The following AGBL4 variants were observed in gnomAD, a reference collection of about 807,000 sequenced individuals.
AGBL4 encodes AGBL carboxypeptidase 4.
Under a neutral mutation model 66.4 loss-of-function variants are expected in AGBL4, and 58 were observed. The observed-to-expected ratio is 0.87, with a 90% CI of 0.71 to 1.09. AGBL4 has a LOEUF of 1.09. Among genes scored for constraint, AGBL4 ranks in the 50% least tolerant of loss-of-function variants. AGBL4 has a pLI of 0.00. For synonymous variants in AGBL4, 234 were observed against 222.9 expected (o/e 1.05, Z -0.44); for missense variants, 579 against 631.0 (o/e 0.92, Z 0.88).
chr1:48,938,471 AAGG>A (rs1339035819), intron 5 of AGBL4, among the ~76,000 whole-genome samples: 1 of 152,246 alleles, frequency 6.6e-6, no homozygotes, highest in Admixed American at 6.5e-5. Context: ...CTTTCTTTAG[AAGG>A]AGTAGTTGGG....
intron 6 of AGBL4, among the ~76,000 whole-genome samples, chr1:48,749,528 G>C (rs1339113138): frequency 6.6e-6 from 1 of 152,174 alleles, no homozygotes; most frequent in African/African-American, 2.4e-5. Context: ...AGATTCCAAA[G>C]ACAGCTCTTT....
chr1:49,255,335 C>A (rs1225333220), intron 3 of AGBL4, among the ~76,000 whole-genome samples: 1 of 152,058 alleles, frequency 6.6e-6, no homozygotes, highest in Non-Finnish European at 1.5e-5. Flanking sequence ...AAACAAACAA[C>A]CCCATTAAAA....
chr1:49,804,192 T>C (rs1259882098), intron 2 of AGBL4, among the ~76,000 whole-genome samples: 2 of 152,170 alleles, frequency 1.3e-5, no homozygotes, highest in African/African-American at 4.8e-5. Context: ...AAACTATCAA[T>C]GTGTTAGTGT....
chr1:48,602,644 A>T (rs1212833282), intron 9 of AGBL4, among the ~76,000 whole-genome samples: 1 of 152,172 alleles, frequency 6.6e-6, no homozygotes, highest in Non-Finnish European at 1.5e-5. Context: ...GCCAACATTC[A>T]TGCTGAAATT....
At chr1:48,949,294 C>A (rs1656771739) in intron 5 of AGBL4, among the ~76,000 whole-genome samples, 1 of 152,100 alleles carries the variant, frequency 6.6e-6, no homozygotes, top group South Asian at 2.1e-4. Context: ...ATCTAATGAG[C>A]AAAAGACTAT....
intron 1 of AGBL4, among the ~76,000 whole-genome samples, chr1:50,022,022 A>G (rs542206759): frequency 3.9e-5 from 6 of 151,992 alleles, no homozygotes; most frequent in South Asian, 2.1e-4. Flanking sequence ...TTCTTTGCAC[A>G]TGGTTTTCCT....
intron 6 of AGBL4, among the ~76,000 whole-genome samples, chr1:48,715,492 G>T (rs1310747143): frequency 6.6e-6 from 1 of 152,206 alleles, no homozygotes; most frequent in East Asian, 1.9e-4. Context: ...GCTCTTGGGA[G>T]GCAAGAGGGA....
At chr1:48,555,703 A>T (rs888216325) in intron 11 of AGBL4, among the ~76,000 whole-genome samples, 1 of 152,054 alleles carries the variant, frequency 6.6e-6, no homozygotes, top group Non-Finnish European at 1.5e-5. Flanking sequence ...GTGAAGTGGG[A>T]TTTGAAGGGG....
chr1:49,087,328 A>G (rs1051325948), intron 4 of AGBL4, among the ~76,000 whole-genome samples: 2 of 152,222 alleles, frequency 1.3e-5, no homozygotes, highest in African/African-American at 4.8e-5. Context: ...CCCAATCCAA[A>G]ATATCTAAGG....
intron 4 of AGBL4, among the ~76,000 whole-genome samples, chr1:49,235,674 A>T (rs972224267): frequency 4.6e-5 from 7 of 152,336 alleles, no homozygotes; most frequent in African/African-American, 2.4e-5. Flanking sequence ...CCTATCACTT[A>T]TAAGGGGAGC....
chr1:49,828,098 C>T (rs1360905476), intron 2 of AGBL4, among the ~76,000 whole-genome samples: 1 of 151,882 alleles, frequency 6.6e-6, no homozygotes, highest in African/African-American at 2.4e-5. Flanking sequence ...ATGCCTGTTA[C>T]CTAACAAAGG....
Position 48,590,964 on chromosome 1 carries a change from T to A in AGBL4, c.973A>T (p.Ile325Phe), listed in dbSNP as rs189891939. ...NDPKTSLEFY[I>F]DIHAHSTMMN... is the part of the protein sequence containing the mutation. ...ATGGTGGAGTGGGCATGGATGTCAA[T>A]ATAAAACTCCAGGCTTGTTTTCTGT... The change falls in exon 10 of 14, where the codon ATT (isoleucine) becomes TTT (phenylalanine). Residue 325 changes from isoleucine to phenylalanine, a missense_variant. By Grantham distance (21) the Ile-to-Phe change is conservative (BLOSUM62 0). Transcript: ENST00000371839. 2.2e-4 allele frequency: 348 copies of A among 1,609,998 alleles called. 1 individual carries two copies. The highest frequency in any genetic ancestry group is 3.1e-5 in the Non-Finnish European group (37 of 1,178,468).
At chr1:49,814,875 T>A (rs1179174502) in intron 2 of AGBL4, among the ~76,000 whole-genome samples, 1 of 152,074 alleles carries the variant, frequency 6.6e-6, no homozygotes, top group Non-Finnish European at 1.5e-5. Flanking sequence ...TAATTTTAAT[T>A]TTTATTTTTT....
At chr1:49,769,239 T>C (rs545970771) in intron 2 of AGBL4, among the ~76,000 whole-genome samples, 11 of 149,838 alleles carry the variant, frequency 7.3e-5, no homozygotes, top group South Asian at 4.8e-4. Context: ...CACACACACA[T>C]ACACAAACAA....
chr1:49,532,246 T>C (rs989161072), intron 3 of AGBL4, among the ~76,000 whole-genome samples: 2 of 152,106 alleles, frequency 1.3e-5, no homozygotes, highest in African/African-American at 4.8e-5. Context: ...CCTAAAACAA[T>C]TCCTGAAATA....
chr1:49,098,164 A>C (rs1645140545), intron 4 of AGBL4, among the ~76,000 whole-genome samples: 1 of 152,196 alleles, frequency 6.6e-6, no homozygotes, highest in African/African-American at 2.4e-5. Flanking sequence ...TCATCTGTAA[A>C]ATGAAAAGCT....
At chr1:49,656,725 C>T (rs1558138537) in intron 3 of AGBL4, among the ~76,000 whole-genome samples, 1 of 152,124 alleles carries the variant, frequency 6.6e-6, no homozygotes, top group East Asian at 1.9e-4. Context: ...TAAACATAAT[C>T]CAGCATATAA....
At chr1:49,596,634 C>T (rs1005826941) in intron 3 of AGBL4, among the ~76,000 whole-genome samples, 1 of 152,144 alleles carries the variant, frequency 6.6e-6, no homozygotes, top group Non-Finnish European at 1.5e-5. Flanking sequence ...CTGAAGTATC[C>T]TTGCTGGGTA....
intron 1 of AGBL4, among the ~76,000 whole-genome samples, chr1:49,863,019 C>A (rs1468962077): frequency 3.3e-5 from 5 of 152,010 alleles, no homozygotes; most frequent in African/African-American, 1.2e-4. Flanking sequence ...AACATTATAA[C>A]ATAGAAAACC....
Sources: gnomAD v4.1 joint callset for allele counts (sites outside exome capture counted in the v4.1 genomes callset) on GRCh38, gnomAD v4.1.1 for gene constraint, MANE v1.5 for transcripts, NCBI Gene and HGNC (gene_info 2026-07-23, HGNC 2026-07-21) for gene names.